The following PHACTR2 variants were observed in gnomAD, a reference collection of about 807,000 sequenced individuals.
PHACTR2 encodes the protein chromosome 6 open reading frame 56.
A neutral mutation model predicts 76.0 loss-of-function variants in PHACTR2; 30 were observed. That is an observed-to-expected ratio of 0.39 (90% CI 0.30 to 0.54). The LOEUF (loss-of-function observed/expected upper bound fraction) is 0.54, where lower values mean the gene tolerates loss of function less well. Among genes scored for constraint, PHACTR2 ranks in the 20% least tolerant of loss-of-function variants. The pLI is 0.61. For synonymous variants in PHACTR2, 292 were observed against 292.5 expected, an observed-to-expected ratio of 1.00 and a Z score of 0.02; for missense variants, 696 against 781.1, an observed-to-expected ratio of 0.89 and a Z score of 1.30.
chr6:143,795,718 T>C lies in PHACTR2; in HGVS notation c.1845+6808T>C, dbSNP rs1775807861. Among the ~76,000 whole-genome samples, 1 of 151,826 alleles carries C rather than the reference T, an allele frequency of 6.6e-6. No homozygotes were observed. Among genetic ancestry groups the C allele is most frequent in the South Asian group, 2.1e-4 (1 of 4,828 alleles). ...TGGATTGATCCTTGACTTGGCCACT[T>C]AGTAGTTGTTTGACCTTGGCCAAGT... On this transcript the variant is annotated intron_variant, in intron 11 of 12. Transcript: ENST00000440869. This position sits in a 1 kb window ranked among gnomAD's most constrained non-coding sequence, Gnocchi z 4.8.
rs758571726 is a variant in PHACTR2 at position 143,774,160 on chromosome 6, A to G, written c.1534A>G (p.Thr512Ala). 5.6e-6 allele frequency: 9 copies of G among 1,614,100 alleles called. No homozygotes were observed. In the South Asian group the frequency reaches 9.9e-5, roughly 18 times the overall value. ...ELEDKNILQR[T>A]SEEERQEIRQ... ...AGAGGACAAAAACATCTTGCAGCGT[A>G]CATCTGAAGAAGAGAGGCAGGAAAT... The change falls in exon 8 of 13, where the codon ACA becomes GCA. Residue 512 changes from threonine (T) to alanine (A), a missense_variant. Transcript: ENST00000440869. The surrounding 1 kb of genome is among the most constrained non-coding windows in gnomAD (Gnocchi z 5.4).
rs145600344 is a variant in PHACTR2, at chr6:143,550,314, G to A, written c.217+13107G>A. Among the ~76,000 whole-genome samples the A allele has an allele frequency of 6.4e-3, 979 of 152,062 alleles. 16 individuals are homozygous for A. The highest frequency in any genetic ancestry group is 0.01 in the Non-Finnish European group (702 of 67,936). On this transcript the variant is annotated intron_variant, in intron 1 of 11. Transcript: ENST00000367584. The surrounding 1 kb of genome is among the most constrained non-coding windows in gnomAD (Gnocchi z 4.8). Reference sequence around the variant, plus strand: ...TGCTGGTCCTCGGACCACACTTCAAGGGAAGCAAGTCTGTATGGAGAGCTT... The same window carrying A: ...TGCTGGTCCTCGGACCACACTTCAAAGGAAGCAAGTCTGTATGGAGAGCTT...
At position 143,539,976 on chromosome 6, in the gene PHACTR2, C is replaced by T. The variant is rs983655804; in HGVS notation, c.217+2769C>T. On this transcript the variant is annotated intron_variant, in intron 1 of 11. Transcript: ENST00000367584. The surrounding 1 kb of genome is among the most constrained non-coding windows in gnomAD (Gnocchi z 4.3). ...GCCATTAGATGACGCTAATGAGTAG[C>T]GAAGTTTGAGAACTGCTGTCCTGTG... is the stretch of plus-strand genomic sequence containing the variant. Among the ~76,000 whole-genome samples the T allele has an allele frequency of 1.3e-5, 2 of 152,164 alleles. No individual in the cohort carries two copies. Among genetic ancestry groups the T allele is most frequent in the Non-Finnish European group, 2.9e-5 (2 of 68,044 alleles).
rs1582683557 is a variant in PHACTR2, at chr6:143,581,775, T to C, written c.217+44568T>C. 6.6e-6 allele frequency among the ~76,000 whole-genome samples: 1 copy of C among 152,134 alleles called. No homozygotes were observed. The highest frequency in any genetic ancestry group is 3.4e-3 in the Middle Eastern group (1 of 294). ...GAGCCTGGGAAAGTCGAGGCTGCAG[T>C]GAGCCATGATCACGCCACTGCACTC... On this transcript the variant is annotated intron_variant, in intron 1 of 11. Coordinates refer to the PHACTR2 transcript ENST00000367584. The surrounding 1 kb of genome is among the most constrained non-coding windows in gnomAD (Gnocchi z 4.5).
rs748305004 is a variant in PHACTR2 at position 143,688,864 on chromosome 6, A to G, written c.46+10655A>G. ...AAAGTAATTTCTTAAAGCATAAATC[A>G]TGTCACTCACTCACTCAAAACCTTC... On this transcript the variant is annotated intron_variant, in intron 1 of 12. Coordinates refer to ENST00000440869, the MANE Select transcript of PHACTR2 (RefSeq NM_001100164.2). This position sits in a 1 kb window ranked among gnomAD's most constrained non-coding sequence, Gnocchi z 5.2. Among the ~76,000 whole-genome samples, 1 of 152,190 alleles carries G rather than the reference A, an allele frequency of 6.6e-6. No individual in the cohort carries two copies. The highest frequency in any genetic ancestry group is 6.5e-5 in the Admixed American group (1 of 15,282).
At chr6:143,674,577 G>C (rs1777209172), upstream of PHACTR2, among the ~76,000 whole-genome samples, 1 of 152,204 alleles carries the variant, frequency 6.6e-6, no homozygotes, top group Non-Finnish European at 1.5e-5. This position sits in a 1 kb window ranked among gnomAD's most constrained non-coding sequence, Gnocchi z 4.9. Context: ...GGTCACTGCT[G>C]TTCTGATCAA....
chr6:143,826,611 A>G lies in PHACTR2; in HGVS notation c.*2922A>G, dbSNP rs1776535087. ...TTTTTTATTGGAGAATAAAACATTA[A>G]TATTAGGGTATTAAGAAGATGCTCA... On this transcript the variant is annotated 3_prime_UTR_variant, in exon 13 of 13. Coordinates refer to ENST00000440869, the MANE Select transcript of PHACTR2 (RefSeq NM_001100164.2). 1 of 152,182 alleles carries G rather than the reference A, an allele frequency of 6.6e-6. No individual in the cohort carries two copies. Among genetic ancestry groups the G allele is most frequent in the Non-Finnish European group, 1.5e-5 (1 of 68,028 alleles). The allele number at this position is 152,182 out of a possible 1,614,324, so 9.4% of individuals were successfully genotyped here.
intron 1 of PHACTR2, among the ~76,000 whole-genome samples, chr6:143,600,806 G>GGCAA (rs1775805793): frequency 6.6e-6 from 1 of 152,236 alleles, no homozygotes; most frequent in Non-Finnish European, 1.5e-5. Context: ...GTCAAATTGA[G>GGCAA]ACAGAAGCCT....
chr6:143,748,790 C>G (rs1440642690), intron 2 of PHACTR2, 195 bp from the exon 3 acceptor site: 2 of 437,588 alleles, frequency 4.6e-6, no homozygotes, highest in African/African-American at 4.1e-5. Flanking sequence ...GACTTCAGAT[C>G]ATGGGCTGCA....
rs1247111897 is a variant in PHACTR2 at position 143,764,772 on chromosome 6, A to T, written c.695-489A>T. 6.6e-6 allele frequency among the ~76,000 whole-genome samples: 1 copy of T among 152,182 alleles called. No individual in the cohort carries two copies. The highest frequency in any genetic ancestry group is 1.5e-5 in the Non-Finnish European group (1 of 68,036). ...GTGATTTTGTTTTTGACCCAGAAAG[A>T]AGCTGGATATATACCCCAGTCTCTT... On this transcript the variant is annotated intron_variant, in intron 5 of 12. Transcript: ENST00000440869. The surrounding 1 kb of genome is among the most constrained non-coding windows in gnomAD (Gnocchi z 4.7).
chr6:143,575,092 A>G (rs1562240387), intron 1 of PHACTR2, among the ~76,000 whole-genome samples: 2 of 151,332 alleles, frequency 1.3e-5, no homozygotes, highest in African/African-American at 2.4e-5. Context: ...AGGCAAATAA[A>G]TAATCATCAA....
Position 143,541,514 on chromosome 6 carries a change from A to G in PHACTR2, c.217+4307A>G, listed in dbSNP as rs527634570. Among the ~76,000 whole-genome samples the G allele has an allele frequency of 1.1e-4, 16 of 152,346 alleles. No individual in the cohort carries two copies. The South Asian group carries it at 3.3e-3, about 32-fold the overall frequency. ...CATTCAAGCCACCTCCAAAAAAAGC[A>G]GTATAGGTGTGTGGACCACTTCATT... On this transcript the variant is annotated intron_variant, in intron 1 of 11. Coordinates refer to the PHACTR2 transcript ENST00000367584. The surrounding 1 kb of genome is among the most constrained non-coding windows in gnomAD (Gnocchi z 5.3).
chr6:143,685,798 T>C (rs1295539316), intron 1 of PHACTR2, among the ~76,000 whole-genome samples: 2 of 151,854 alleles, frequency 1.3e-5, no homozygotes, highest in African/African-American at 4.8e-5. Context: ...TTGGTACAAC[T>C]TATCAGAAAA....
Position 143,591,648 on chromosome 6 carries a change from G to A in PHACTR2, c.217+54441G>A, listed in dbSNP as rs576136852. On this transcript the variant is annotated intron_variant, in intron 1 of 11. Transcript: ENST00000367584. This position sits in a 1 kb window ranked among gnomAD's most constrained non-coding sequence, Gnocchi z 6.4. Reference sequence around the variant, plus strand: ...TTGCCTAGGGCTGTGAAGGCCAAATGGAATTGAGGACATCTCAGAGAATTC... The same window carrying A: ...TTGCCTAGGGCTGTGAAGGCCAAATAGAATTGAGGACATCTCAGAGAATTC... Among the ~76,000 whole-genome samples, 186 of 152,316 alleles carry A rather than the reference G, an allele frequency of 1.2e-3. 4 individuals carry two copies. Among genetic ancestry groups the A allele is most frequent in the Non-Finnish European group, 3.8e-4 (26 of 68,020 alleles).
intron 2 of PHACTR2, among the ~76,000 whole-genome samples, chr6:143,744,854 A>AGC (rs1438478546): frequency 1.3e-5 from 2 of 152,228 alleles, no homozygotes; most frequent in Non-Finnish European, 2.9e-5. Context: ...AGAGAGAATT[A>AGC]GAGTGTGCGC....
At chr6:143,636,247 C>G (rs1184723556) in intron 1 of PHACTR2, among the ~76,000 whole-genome samples, 2 of 151,506 alleles carry the variant, frequency 1.3e-5, no homozygotes, top group Admixed American at 6.6e-5. Flanking sequence ...ATGCTTTCCT[C>G]TGCTGCCTTT....
In PHACTR2 at chr6:143,823,899, T is replaced by C. The variant is rs1250672792; in HGVS notation, c.*210T>C. 1 of 490,774 alleles carries C rather than the reference T, an allele frequency of 2.0e-6. No homozygotes were observed. Among genetic ancestry groups the C allele is most frequent in the African/African-American group, 1.9e-5 (1 of 52,102 alleles). The allele number at this position is 490,774 out of a possible 1,614,324, so 30.4% of individuals were successfully genotyped here. ...AGCAAAAGGAAGGATGCAGTGACTC[T>C]TGCTGCCCAGAATGCACAGCGATGG... On this transcript the variant is annotated 3_prime_UTR_variant, in exon 13 of 13. Transcript: ENST00000440869. The surrounding 1 kb of genome is among the most constrained non-coding windows in gnomAD (Gnocchi z 5.7).
intron 6 of PHACTR2, among the ~76,000 whole-genome samples, chr6:143,769,883 T>A (rs1775053205): frequency 6.6e-6 from 1 of 152,184 alleles, no homozygotes; most frequent in South Asian, 2.1e-4. Flanking sequence ...GGAAAATTTT[T>A]CCTATAAAAA....
chr6:143,645,460 G>A (rs1196181694), intron 1 of PHACTR2, among the ~76,000 whole-genome samples: 1 of 152,152 alleles, frequency 6.6e-6, no homozygotes, highest in Non-Finnish European at 1.5e-5. Flanking sequence ...TTTTATAACA[G>A]GAGATATAGC....
Sources: gnomAD v4.1 joint callset for allele counts (sites outside exome capture counted in the v4.1 genomes callset) on GRCh38, gnomAD v4.1.1 for gene constraint, Gnocchi (gnomAD v3.1) non-coding constraint, MANE v1.5 for transcripts, NCBI Gene and HGNC (gene_info 2026-07-23, HGNC 2026-07-21) for gene names.